TIAM1: variants seen among roughly 807,000 people sequenced by gnomAD.
TIAM1 encodes the protein rho guanine nucleotide exchange factor TIAM1.
Under a neutral mutation model 163.5 loss-of-function variants are expected in TIAM1, and 65 were observed. The ratio of observed to expected loss-of-function variants is 0.40; its 90% CI spans 0.33 to 0.49. TIAM1 has a LOEUF of 0.49. TIAM1 is among the 20% of genes least tolerant of loss of function. The pLI is 0.77. For synonymous variants in TIAM1, 833 were observed against 810.1 expected (o/e 1.03, Z -0.48); for missense variants, 1,789 against 2,044.7 (o/e 0.87, Z 2.41).
At chr21:31,450,483 A>G (rs1379776201) in intron 2 of TIAM1, among the ~76,000 whole-genome samples, 1 of 152,034 alleles carries the variant, frequency 6.6e-6, no homozygotes, top group Non-Finnish European at 1.5e-5. Flanking sequence ...CTCTCTGCAC[A>G]TTGCTTTCCT....
At chr21:31,336,493 T>C (rs1479801280) in intron 2 of TIAM1, among the ~76,000 whole-genome samples, 1 of 149,976 alleles carries the variant, frequency 6.7e-6, no homozygotes, top group East Asian at 1.9e-4. Flanking sequence ...CCTTGCTTTT[T>C]TTTTTTTTTT....
chr21:31,307,147 C>G (rs903665048), intron 2 of TIAM1, among the ~76,000 whole-genome samples: 3 of 152,178 alleles, frequency 2.0e-5, no homozygotes, highest in Non-Finnish European at 4.4e-5. Context: ...GAATGAGGCA[C>G]AAATTACCAC....
chr21:31,181,532 G>A (rs73191663), intron 15 of TIAM1, among the ~76,000 whole-genome samples: 16,438 of 151,552 alleles, frequency 0.11, 1,033 homozygotes, highest in Admixed American at 0.21. Context: ...TCACTGAAGC[G>A]CTCGGGTTCA....
chr21:31,389,279 G>A (rs111361534), intron 2 of TIAM1, among the ~76,000 whole-genome samples: 5 of 152,136 alleles, frequency 3.3e-5, no homozygotes, highest in South Asian at 2.1e-4. Flanking sequence ...GCAGTGGCAC[G>A]ATCTCAGCTT....
chr21:31,528,342 C>A (rs1410245069), intron 1 of TIAM1, among the ~76,000 whole-genome samples: 1 of 151,804 alleles, frequency 6.6e-6, no homozygotes, highest in East Asian at 1.9e-4. Flanking sequence ...TACCAAGACC[C>A]TGTCTCTACA....
intron 8 of TIAM1, among the ~76,000 whole-genome samples, chr21:31,220,433 G>A (rs1197778119): frequency 6.6e-6 from 1 of 152,058 alleles, no homozygotes; most frequent in Non-Finnish European, 1.5e-5. Context: ...CACCAACACG[G>A]CACATGTATA....
chr21:31,367,485 TTG>T (rs1484379025), intron 2 of TIAM1, among the ~76,000 whole-genome samples: 1 of 152,188 alleles, frequency 6.6e-6, no homozygotes, highest in Non-Finnish European at 1.5e-5. Flanking sequence ...CTTTTTTTCT[TTG>T]TGAAGAAGTC....
chr21:31,160,594 A>G (rs1352446316), intron 16 of TIAM1: 3 of 398,366 alleles, frequency 7.5e-6, no homozygotes, highest in Admixed American at 8.8e-5. Flanking sequence ...ACGGAGACAG[A>G]AGTTTCTTAA....
intron 2 of TIAM1, among the ~76,000 whole-genome samples, chr21:31,448,513 C>T (rs562501): frequency 0.81 from 123,213 of 151,358 alleles, 50,441 homozygotes; most frequent in East Asian, 0.91. Flanking sequence ...GGCTGAGGGA[C>T]GAGAATTGCT....
chr21:31,348,495 A>G (rs1285977474), upstream of TIAM1, among the ~76,000 whole-genome samples: 1 of 152,244 alleles, frequency 6.6e-6, no homozygotes, highest in Non-Finnish European at 1.5e-5. Context: ...ATTTCCCAGC[A>G]TAACTGCAGT....
chr21:31,331,667 T>A (rs1262739134), intron 2 of TIAM1, among the ~76,000 whole-genome samples: 1 of 152,178 alleles, frequency 6.6e-6, no homozygotes, highest in African/African-American at 2.4e-5. Flanking sequence ...ATTCTGCAGA[T>A]AAATTTCCCA....
At chr21:31,185,510 TATATA>T (rs2085251053) in intron 14 of TIAM1, among the ~76,000 whole-genome samples, 1 of 143,434 alleles carries the variant, frequency 7.0e-6, no homozygotes, top group South Asian at 2.1e-4. Context: ...TATATATTTA[TATATA>T]ATATGCTAAT....
chr21:31,370,133 C>A (rs2076571510), intron 2 of TIAM1, among the ~76,000 whole-genome samples: 1 of 152,116 alleles, frequency 6.6e-6, no homozygotes, highest in Admixed American at 6.5e-5. Context: ...ACCCAAGAAC[C>A]ATGAGAAATA....
chr21:31,152,352 C>G (rs1448841724), intron 19 of TIAM1, among the ~76,000 whole-genome samples: 1 of 152,180 alleles, frequency 6.6e-6, no homozygotes, highest in Admixed American at 6.5e-5. Context: ...TATTCTAATT[C>G]ACTGATAGCT....
chr21:31,337,215 G>A (rs2075869182), intron 2 of TIAM1, among the ~76,000 whole-genome samples: 1 of 152,088 alleles, frequency 6.6e-6, no homozygotes, highest in African/African-American at 2.4e-5. Context: ...TGAAGGGAAG[G>A]AAGCCCTGGG....
At chr21:31,317,761 C>T (rs1250089606) in intron 2 of TIAM1, among the ~76,000 whole-genome samples, 1 of 152,164 alleles carries the variant, frequency 6.6e-6, no homozygotes, top group East Asian at 1.9e-4. Context: ...ACCTGGGCAA[C>T]AGAGTGAGAC....
chr21:31,386,407 A>G (rs970261986), intron 2 of TIAM1, among the ~76,000 whole-genome samples: 1 of 152,148 alleles, frequency 6.6e-6, no homozygotes. Flanking sequence ...TCTCACCTAG[A>G]AAAGCAAAAG....
chr21:31,210,673 A>G (rs1453455180), intron 10 of TIAM1, among the ~76,000 whole-genome samples: 2 of 59,694 alleles, frequency 3.4e-5, no homozygotes, highest in African/African-American at 1.6e-4. Context: ...AAGAAAAAGA[A>G]AGAAAGAAAG....
chr21:31,256,085 A>G (rs2072084146), intron 4 of TIAM1, among the ~76,000 whole-genome samples: 1 of 152,186 alleles, frequency 6.6e-6, no homozygotes, highest in African/African-American at 2.4e-5. Flanking sequence ...GGCTAAAATG[A>G]GGGAGGCAAG....
Sources: gnomAD v4.1 joint callset for allele counts (sites outside exome capture counted in the v4.1 genomes callset) on GRCh38, gnomAD v4.1.1 for gene constraint, MANE v1.5 for transcripts, NCBI Gene and HGNC (gene_info 2026-07-23, HGNC 2026-07-21) for gene names.